The following SLC2A9 variants were observed in gnomAD, a reference collection of about 807,000 sequenced individuals.
SLC2A9 encodes the protein solute carrier family 2, facilitated glucose transporter member 9.
In SLC2A9, 39 loss-of-function variants were observed where a neutral mutation model predicts 50.6. The observed-to-expected ratio is 0.77, with a 90% CI of 0.60 to 1.01. The LOEUF (loss-of-function observed/expected upper bound fraction) is 1.01. SLC2A9 is among the 50% of genes least tolerant of loss of function. SLC2A9 has a pLI of 0.00. For missense variants in SLC2A9, 686 were observed against 677.6 expected, an observed-to-expected ratio of 1.01 and a Z score of -0.14; for synonymous variants, 324 against 276.9, an observed-to-expected ratio of 1.17 and a Z score of -1.69.
At chr4:10,037,066 C>G (rs1358060041) in intron 1 of SLC2A9, among the ~76,000 whole-genome samples, 1 of 152,188 alleles carries the variant, frequency 6.6e-6, no homozygotes, top group East Asian at 1.9e-4. Context: ...ATTCCCAATC[C>G]TCAGCCTACT....
In SLC2A9 at chr4:9,787,374, CAT is replaced by C. The variant is rs1719356164; in HGVS notation, n.386-7311_386-7310del. ...CTTTATTTTTAAACACTTGTTCTCA[CAT>C]AGTTTCAGACTTACAGAAACCTTGC... On this transcript the variant is annotated intron_variant and non_coding_transcript_variant, in intron 3 of 3. Transcript: ENST00000503803. 2.6e-5 allele frequency among the ~76,000 whole-genome samples: 4 copies of C among 152,322 alleles called. No individual in the cohort carries two copies. The South Asian group carries it at 8.3e-4, about 32-fold the overall frequency.
intron 2 of SLC2A9, among the ~76,000 whole-genome samples, chr4:10,005,343 T>TG (rs1428455931): frequency 2.0e-5 from 3 of 152,102 alleles, no homozygotes; most frequent in Non-Finnish European, 4.4e-5. Flanking sequence ...AAAGACGCAG[T>TG]GGGTTGAAAG....
chr4:9,782,442 G>C (rs773390586), intron 3 of SLC2A9: 1 of 1,613,974 alleles, frequency 6.2e-7, no homozygotes, highest in Non-Finnish European at 8.5e-7. Flanking sequence ...AGCGTGGACC[G>C]CTACTGGGCC....
rs568459967 is a variant in SLC2A9 at position 10,021,171 on chromosome 4, C to T, written c.150+109G>A. The T allele has an allele frequency of 1.4e-5, 17 of 1,173,026 alleles. No homozygotes were observed. In the Admixed American group the frequency reaches 2.7e-4, roughly 19 times the overall value. The allele number at this position is 1,173,026 out of a possible 1,614,324, so 72.7% of individuals were successfully genotyped here. A position where few individuals can be genotyped will look rare whatever the true frequency, so the allele number is the denominator to read the frequency against. ...GCCTCCCTGCCTCAAAGCCCCAGAT[C>T]CCCCAGCTACACGCTGCCAGGCTGG... On this transcript the variant is annotated intron_variant, in intron 1 of 11. Transcript: ENST00000264784.
At chr4:9,813,236 C>A (rs1439027970) in intron 3 of SLC2A9, among the ~76,000 whole-genome samples, 1 of 152,184 alleles carries the variant, frequency 6.6e-6, no homozygotes, top group Non-Finnish European at 1.5e-5. Flanking sequence ...ATACTCATGG[C>A]TTTTCAGAGT....
chr4:9,886,424 CTGTG>C (rs59081583), intron 10 of SLC2A9, among the ~76,000 whole-genome samples: 38,214 of 135,020 alleles, frequency 0.28, 6,725 homozygotes, highest in Non-Finnish European at 0.4. Context: ...CCTCATAGCA[CTGTG>C]TGTGTGTGTG....
intron 1 of SLC2A9, among the ~76,000 whole-genome samples, chr4:10,039,684 C>A (rs1265530719): frequency 6.6e-6 from 1 of 152,188 alleles, no homozygotes; most frequent in East Asian, 1.9e-4. Context: ...CTTGTCTTCT[C>A]CAGCAGGCTG....
intron 10 of SLC2A9, among the ~76,000 whole-genome samples, chr4:9,854,861 T>C (rs11934050): frequency 0.16 from 24,221 of 152,044 alleles, 2,644 homozygotes; most frequent in African/African-American, 0.31. Flanking sequence ...AAAACAGAAA[T>C]TACATGATCA....
chr4:9,783,693 C>T (rs1398926955), intron 3 of SLC2A9: 12 of 536,164 alleles, frequency 2.2e-5, no homozygotes, highest in Non-Finnish European at 3.7e-5. Flanking sequence ...GATGGACCAA[C>T]GATCCTATGA....
chr4:9,826,582 A>T lies in SLC2A9; in HGVS notation c.1438T>A (p.Cys480Ser), dbSNP rs1259250257. The stretch of plus-strand genomic sequence containing the variant: ...CAAATTGTAGCAAAGACTAGGAAAC[A>T]GTAGGTGTCCAGACTTTTCTGTGGA... ...PFIQKSLDTY[C>S]FLVFATICIT... The change falls in exon 12 of 12, where the codon TGT becomes AGT. Residue 480 changes from cysteine (C) to serine (S), a missense_variant. Cys to Ser is a moderately radical substitution (Grantham distance 112, BLOSUM62 -1). Coordinates refer to ENST00000264784, the MANE Select transcript of SLC2A9 (RefSeq NM_020041.3). 7 of 1,613,980 alleles carry T rather than the reference A, an allele frequency of 4.3e-6. No homozygotes were observed. The highest frequency in any genetic ancestry group is 5.9e-6 in the Non-Finnish European group (7 of 1,179,946).
intron 8 of SLC2A9, among the ~76,000 whole-genome samples, chr4:9,906,895 T>C (rs1740782226): frequency 6.6e-6 from 1 of 152,236 alleles, no homozygotes; most frequent in Admixed American, 6.5e-5. Context: ...TTTCTTCTAA[T>C]AAAAAGACCA....
intron 2 of SLC2A9, among the ~76,000 whole-genome samples, chr4:10,007,939 G>A (rs1560479275): frequency 6.6e-6 from 1 of 152,216 alleles, no homozygotes; most frequent in African/African-American, 2.4e-5. Context: ...CATGATGTCA[G>A]CATACAGCAG....
intron 3 of SLC2A9, among the ~76,000 whole-genome samples, chr4:9,991,292 A>G (rs541080255): frequency 6.6e-6 from 1 of 152,302 alleles, no homozygotes; most frequent in South Asian, 2.1e-4. Flanking sequence ...CTTCTGGGCA[A>G]TTGACTTTCT....
chr4:9,889,159 A>T (rs1736851669), intron 9 of SLC2A9, among the ~76,000 whole-genome samples: 1 of 152,136 alleles, frequency 6.6e-6, no homozygotes, highest in Non-Finnish European at 1.5e-5. Context: ...ACTTGGAAGC[A>T]AGGGGAGGCT....
chr4:9,920,039 C>G (rs1399373823), intron 7 of SLC2A9, among the ~76,000 whole-genome samples: 1 of 152,084 alleles, frequency 6.6e-6, no homozygotes, highest in Non-Finnish European at 1.5e-5. Context: ...TGAAAATCAT[C>G]TGAATGTCTC....
chr4:9,793,024 G>A (rs1242746363), intron 3 of SLC2A9, among the ~76,000 whole-genome samples: 5 of 152,136 alleles, frequency 3.3e-5, no homozygotes, highest in East Asian at 3.8e-4. Flanking sequence ...ACAGGCATGC[G>A]CTACCACGCC....
At chr4:10,018,561 TAGATA>T (rs202221653) in intron 2 of SLC2A9, among the ~76,000 whole-genome samples, 5 of 48,552 alleles carry the variant, frequency 1.0e-4, no homozygotes, top group South Asian at 1.8e-3. Context: ...GATAGATAGA[TAGATA>T]GATAGATAGA....
At chr4:9,963,959 G>T (rs1752681063) in intron 5 of SLC2A9, among the ~76,000 whole-genome samples, 1 of 152,084 alleles carries the variant, frequency 6.6e-6, no homozygotes, top group African/African-American at 2.4e-5. Context: ...CTGTCTATTG[G>T]GCTTAGCTGC....
intron 10 of SLC2A9, among the ~76,000 whole-genome samples, chr4:9,851,108 G>C (rs1406001135): frequency 1.3e-5 from 2 of 152,220 alleles, no homozygotes; most frequent in Admixed American, 6.5e-5. Flanking sequence ...CACTGTTGCA[G>C]CTGCTGGCAC....
Sources: gnomAD v4.1 joint callset for allele counts (sites outside exome capture counted in the v4.1 genomes callset) on GRCh38, gnomAD v4.1.1 for gene constraint, MANE v1.5 for transcripts, NCBI Gene and HGNC (gene_info 2026-07-23, HGNC 2026-07-21) for gene names.